The following SIDT1 variants were observed in gnomAD, a reference collection of about 807,000 sequenced individuals.
SIDT1 encodes the protein SID1 transmembrane family, member 1.
A neutral mutation model predicts 107.5 loss-of-function variants in SIDT1; 101 were observed. The ratio of observed to expected loss-of-function variants is 0.94; its 90% confidence interval spans 0.80 to 1.11. SIDT1 has a LOEUF of 1.11. Ranked by LOEUF, SIDT1 falls within the 50% of genes least tolerant of loss-of-function variation. SIDT1 has a pLI of 0.00. For synonymous variants in SIDT1, 395 were observed against 398.2 expected, an observed-to-expected ratio of 0.99 and a Z score of 0.10; for missense variants, 1,076 against 1,058.2, an observed-to-expected ratio of 1.02 and a Z score of -0.23.
chr3:113,627,250 T>C (rs1473070057), intron 24 of SIDT1, among the ~76,000 whole-genome samples: 1 of 152,242 alleles, frequency 6.6e-6, no homozygotes, highest in Non-Finnish European at 1.5e-5. Flanking sequence ...CCACACCTGA[T>C]ACTTCCTGTA....
rs771615641 is a variant in SIDT1 at position 113,533,192 on chromosome 3, C to T, written c.171C>T (p.Asn57=). ...DFDHVYSGVV[N]LSTENIYSFN... is the part of the protein sequence containing the mutation. Reference sequence around the variant, plus strand: ...ATCATGTCTACAGCGGGGTGGTGAACCTCAGCACCGAGAACATCTACTCTT... The same window carrying T: ...ATCATGTCTACAGCGGGGTGGTGAATCTCAGCACCGAGAACATCTACTCTT... The change falls in exon 1 of 25, where the codon AAC becomes AAT. Residue 57 remains asparagine, a synonymous_variant. Transcript: ENST00000264852. The T allele has an allele frequency of 5.8e-6, 9 of 1,564,962 alleles. No individual in the cohort carries two copies. Among genetic ancestry groups the T allele is most frequent in the Non-Finnish European group, 7.8e-6 (9 of 1,156,742 alleles).
At chr3:113,580,493 T>C in intron 4 of SIDT1, 115 bp from the exon 5 acceptor site, 1 of 684,202 alleles carries the variant, frequency 1.5e-6, no homozygotes, top group Non-Finnish European at 2.6e-6. Flanking sequence ...AAGAGCTGAC[T>C]GAATTCATTA....
intron 20 of SIDT1, among the ~76,000 whole-genome samples, chr3:113,618,483 T>C (rs1946251436): frequency 6.6e-6 from 1 of 152,230 alleles, no homozygotes. Flanking sequence ...ATAAGTTTAG[T>C]TTTGTAAGAA....
chr3:113,543,255 T>C (rs1293668337), intron 1 of SIDT1, among the ~76,000 whole-genome samples: 1 of 152,122 alleles, frequency 6.6e-6, no homozygotes, highest in Non-Finnish European at 1.5e-5. Flanking sequence ...TAGTTAGTTT[T>C]GAGAATTCAT....
intron 21 of SIDT1, among the ~76,000 whole-genome samples, chr3:113,622,215 A>C (rs1258752890): frequency 6.6e-6 from 1 of 152,162 alleles, no homozygotes; most frequent in Non-Finnish European, 1.5e-5. Context: ...CTGTAATCCC[A>C]GCACTTTGGG....
intron 21 of SIDT1, 171 bp downstream of exon 21, chr3:113,619,897 T>C (rs1404224900): frequency 1.6e-6 from 1 of 615,530 alleles, no homozygotes; most frequent in Non-Finnish European, 2.9e-6. Context: ...GTAGCAATTG[T>C]AGCCTCTCTT....
In SIDT1 at chr3:113,627,991, A is replaced by C. The variant is rs767433166; in HGVS notation, c.*283A>C. On this transcript the variant is annotated 3_prime_UTR_variant, in exon 25 of 25. Transcript: ENST00000264852. ...GGAGTGCAACAGGGATAGGCACTGC[A>C]TCCAAGTCAACTCACCATCTTGGGG... 7.2e-6 allele frequency: 3 copies of C among 417,544 alleles called. No homozygotes were observed. Among genetic ancestry groups the C allele is most frequent in the Non-Finnish European group, 1.3e-5 (3 of 229,116 alleles). 25.9% of individuals were successfully genotyped at this position (417,544 alleles called of 1,614,324 possible).
At chr3:113,553,744 T>C (rs1310608705) in intron 1 of SIDT1, among the ~76,000 whole-genome samples, 1 of 152,078 alleles carries the variant, frequency 6.6e-6, no homozygotes, top group Non-Finnish European at 1.5e-5. Flanking sequence ...GGGAGGTCAG[T>C]GGGACTGAGA....
intron 1 of SIDT1, among the ~76,000 whole-genome samples, chr3:113,534,568 A>G (rs1202269631): frequency 6.6e-6 from 1 of 152,120 alleles, no homozygotes; most frequent in Non-Finnish European, 1.5e-5. Context: ...TGTTTCCCAA[A>G]CGCCATATAC....
chr3:113,594,553 T>C (rs1456662071), intron 10 of SIDT1, among the ~76,000 whole-genome samples: 1 of 152,162 alleles, frequency 6.6e-6, no homozygotes. Context: ...ATTATAATAA[T>C]ATTTATTGAA....
intron 10 of SIDT1, among the ~76,000 whole-genome samples, chr3:113,600,390 C>T (rs1944877304): frequency 6.6e-6 from 1 of 151,850 alleles, no homozygotes; most frequent in Non-Finnish European, 1.5e-5. Flanking sequence ...CATCCACTCT[C>T]AGAGTGACCA....
At chr3:113,548,728 T>G (rs1411664816) in intron 1 of SIDT1, among the ~76,000 whole-genome samples, 8 of 152,138 alleles carry the variant, frequency 5.3e-5, no homozygotes, top group Non-Finnish European at 1.0e-4. Context: ...AGACTAACCC[T>G]TATCTTCCTG....
chr3:113,564,176 G>A (rs935214186), intron 1 of SIDT1, among the ~76,000 whole-genome samples: 2 of 152,222 alleles, frequency 1.3e-5, no homozygotes, highest in African/African-American at 4.8e-5. Context: ...TCAAACTCAG[G>A]TGATCCACCC....
Position 113,623,487 on chromosome 3 carries a change from C to T in SIDT1, c.2151C>T (p.Phe717=), listed in dbSNP as rs1240250508. ...TTGCTTCCTACATGCTGGGCATCTT[C>T]ATCTGTAACCTTTTGCTGTACCTGG... ...RDFASYMLGI[F]ICNLLLYLAF... is the part of the protein sequence containing the mutation. The change falls in exon 22 of 25, where the codon TTC becomes TTT. Residue 717 remains phenylalanine, a synonymous_variant. Transcript: ENST00000264852. The T allele has an allele frequency of 1.1e-5, 18 of 1,614,008 alleles. No individual in the cohort carries two copies. Among genetic ancestry groups the T allele is most frequent in the Non-Finnish European group, 1.4e-5 (17 of 1,180,000 alleles).
chr3:113,631,087 A>G (rs1430452357), downstream of SIDT1, among the ~76,000 whole-genome samples: 1 of 58,758 alleles, frequency 1.7e-5, no homozygotes, highest in Non-Finnish European at 3.5e-5. Context: ...AACTGAGATG[A>G]AAAAAAAATG....
At position 113,549,463 on chromosome 3, in the gene SIDT1, T is replaced by C. The variant is rs80090028; in HGVS notation, c.222+16220T>C. Among the ~76,000 whole-genome samples, 1,242 of 152,308 alleles carry C rather than the reference T, an allele frequency of 8.2e-3. 13 individuals are homozygous for C. The highest frequency in any genetic ancestry group is 0.028 in the African/African-American group (1,157 of 41,564). On this transcript the variant is annotated intron_variant, in intron 1 of 24. Coordinates refer to ENST00000264852, the MANE Select transcript of SIDT1 (RefSeq NM_017699.3). ...TCTTTTAGCCATTCTAATAAGTGTA[T>C]AGTGGCATCTGATTGTTGCTTTGCA...
intron 23 of SIDT1, among the ~76,000 whole-genome samples, chr3:113,624,372 T>C (rs11928494): frequency 0.32 from 49,303 of 152,106 alleles, 8,112 homozygotes; most frequent in Non-Finnish European, 0.35. Context: ...ACGGCCTTTG[T>C]GTCTGGCTTC....
At chr3:113,566,660 CTG>C in intron 2 of SIDT1, 119 bp downstream of exon 2, 1 of 1,142,852 alleles carries the variant, frequency 8.8e-7, no homozygotes. Flanking sequence ...TCAAGACATT[CTG>C]CATACGGGGT....
rs1314123317 is a variant in SIDT1, at chr3:113,533,659, C to T, written c.222+416C>T. Among the ~76,000 whole-genome samples the T allele has an allele frequency of 4.6e-5, 7 of 152,164 alleles. No homozygotes were observed. The East Asian group carries it at 1.3e-3, about 29-fold the overall frequency. ...ATTTCAAGTGGCTGATTCAGCCAGA[C>T]CCTTCTATTTCATAGCGCATGGGGA... On this transcript the variant is annotated intron_variant, in intron 1 of 24. Coordinates refer to ENST00000264852, the MANE Select transcript of SIDT1 (RefSeq NM_017699.3).
Sources: allele counts gnomAD v4.1 joint callset (sites outside exome capture counted in the v4.1 genomes callset), GRCh38; gene constraint gnomAD v4.1.1; transcripts MANE v1.5; gene names NCBI Gene and HGNC (gene_info 2026-07-23, HGNC 2026-07-21).